Variants in NHS observed in about 807,000 individuals in gnomAD.
The protein encoded by NHS is NHS actin remodeling regulator, also known as actin remodeling regulator NHS.
Under a neutral mutation model 72.5 loss-of-function variants are expected in NHS, and 5 were observed. The ratio of observed to expected loss-of-function variants is 0.07; its 90% CI spans 0.04 to 0.14. The LOEUF (loss-of-function observed/expected upper bound fraction) is 0.14, where lower values mean the gene tolerates loss of function less well. Among genes scored for constraint, NHS ranks in the 10% least tolerant of loss-of-function variants. NHS has a pLI of 1.00. For synonymous variants in NHS, 464 were observed against 547.7 expected (o/e 0.85, Z 2.13); for missense variants, 1,072 against 1,355.7 (o/e 0.79, Z 3.29).
intron 3 of NHS, among the ~76,000 whole-genome samples, chrX:17,710,363 A>G (rs923934446): frequency 8.9e-6 from 1 of 112,719 alleles, no homozygotes; most frequent in African/African-American, 3.2e-5. Context: ...ACATCATTAC[A>G]GAATATTCTC....
intron 1 of NHS, among the ~76,000 whole-genome samples, chrX:17,443,044 C>T (rs1303491233): frequency 8.9e-6 from 1 of 112,038 alleles, no homozygotes; most frequent in Non-Finnish European, 1.9e-5. Flanking sequence ...CCCAAGGGAA[C>T]GCATAGGCCT....
chrX:17,602,415 T>C (rs1379561579), intron 1 of NHS, among the ~76,000 whole-genome samples: 4 of 111,670 alleles, frequency 3.6e-5, no homozygotes, highest in Non-Finnish European at 7.5e-5. Context: ...TGTTTCCTAC[T>C]GTGCCTCAGA....
chrX:17,563,292 C>T (rs1188725216), intron 1 of NHS, among the ~76,000 whole-genome samples: 2 of 112,669 alleles, frequency 1.8e-5, no homozygotes, highest in Non-Finnish European at 3.7e-5. Flanking sequence ...ACCTCAATGC[C>T]TGGCACATAG....
chrX:17,460,898 T>C (rs2064844525), intron 1 of NHS, among the ~76,000 whole-genome samples: 1 of 111,983 alleles, frequency 8.9e-6, no homozygotes, highest in Admixed American at 9.5e-5. Flanking sequence ...AGTTGAGGGG[T>C]AACGATTCAA....
chrX:17,605,194 T>C (rs1196114374), intron 1 of NHS, among the ~76,000 whole-genome samples: 3 of 112,311 alleles, frequency 2.7e-5, no homozygotes, highest in African/African-American at 9.7e-5. Flanking sequence ...GTCTTACTTT[T>C]AAATATGAAT....
intron 1 of NHS, among the ~76,000 whole-genome samples, chrX:17,657,443 G>A (rs2065962178): frequency 8.9e-6 from 1 of 112,730 alleles, no homozygotes; most frequent in South Asian, 3.6e-4. Flanking sequence ...TGCAGTTGGA[G>A]GTACAGCTTG....
chrX:17,615,972 C>T (rs1212953119), intron 1 of NHS, among the ~76,000 whole-genome samples: 3 of 111,634 alleles, frequency 2.7e-5, no homozygotes, highest in Admixed American at 1.9e-4. Context: ...TAGTTAATTA[C>T]GTGCTTGAAA....
At chrX:17,506,147 C>T (rs1200226888) in intron 1 of NHS, among the ~76,000 whole-genome samples, 1 of 111,536 alleles carries the variant, frequency 9.0e-6, no homozygotes, top group African/African-American at 3.3e-5. Context: ...AGAACTTTGT[C>T]ACCTCACATT....
chrX:17,557,326 G>GATATATATATATAT lies in NHS; in HGVS notation c.566-130407_566-130394dup, dbSNP rs61711287. 374 of 96,043 alleles carry GATATATATATATAT rather than the reference G, an allele frequency of 3.9e-3. 2 individuals carry two copies. The highest frequency in any genetic ancestry group is 0.014 in the African/African-American group (351 of 25,253). The allele number at this position is 96,043 out of a possible 1,213,427, so 7.9% of individuals were successfully genotyped here. A position where few individuals can be genotyped will look rare whatever the true frequency, so the allele number is the denominator to read the frequency against. ...GAATATTTAGTGACAGAGATTCTGT[G>GATATATATATATAT]ATATATATATATATATATATATCTT... is the stretch of plus-strand genomic sequence containing the variant. On this transcript the variant is annotated intron_variant, in intron 1 of 8. Transcript: ENST00000676302.
chrX:17,533,342 G>A (rs1365496055), intron 1 of NHS, among the ~76,000 whole-genome samples: 1 of 111,749 alleles, frequency 8.9e-6, no homozygotes, highest in Non-Finnish European at 1.9e-5. Flanking sequence ...GCTGGAGTGC[G>A]ATGACACGAT....
chrX:17,537,566 TCAAAA>T (rs980348008), intron 1 of NHS, among the ~76,000 whole-genome samples: 12 of 112,027 alleles, frequency 1.1e-4, no homozygotes, highest in African/African-American at 3.6e-4. Context: ...AAGTTGAACT[TCAAAA>T]AAGAAAAGTA....
intron 6 of NHS, 46 bp from the exon 7 acceptor site, chrX:17,725,301 T>A: frequency 8.8e-7 from 1 of 1,133,146 alleles, no homozygotes; most frequent in Non-Finnish European, 1.2e-6. Context: ...TGTCTGTTGG[T>A]CTGCTGATAT....
At chrX:17,495,457 C>T (rs893981846) in intron 1 of NHS, among the ~76,000 whole-genome samples, 4 of 111,712 alleles carry the variant, frequency 3.6e-5, no homozygotes, top group African/African-American at 6.5e-5. Context: ...AGGTTTGTTT[C>T]GCATTGTAGA....
intron 1 of NHS, among the ~76,000 whole-genome samples, chrX:17,680,849 G>T (rs763819384): frequency 8.9e-6 from 1 of 112,358 alleles, no homozygotes; most frequent in South Asian, 3.7e-4. Context: ...TAGCTGAGCT[G>T]TGACAGATGA....
intron 3 of NHS, among the ~76,000 whole-genome samples, chrX:17,718,940 G>C (rs747436370): frequency 1.1e-5 from 1 of 93,726 alleles, no homozygotes; most frequent in Non-Finnish European, 2.1e-5. Context: ...GAAAGAGGAA[G>C]GAAGGAAGAA....
At chrX:17,379,771 A>G (rs2064367097) in intron 1 of NHS, among the ~76,000 whole-genome samples, 1 of 112,291 alleles carries the variant, frequency 8.9e-6, no homozygotes, top group South Asian at 3.8e-4. Context: ...GTGAGACTTC[A>G]TCTCAAAATA....
At chrX:17,689,159 T>C (rs1192921179) in intron 2 of NHS, among the ~76,000 whole-genome samples, 3 of 112,528 alleles carry the variant, frequency 2.7e-5, no homozygotes, top group African/African-American at 9.7e-5. Flanking sequence ...CCCATCCTTA[T>C]CTTCAATAGT....
chrX:17,546,480 C>T (rs1376669663), intron 1 of NHS, among the ~76,000 whole-genome samples: 41 of 112,330 alleles, frequency 3.6e-4, no homozygotes, highest in Non-Finnish European at 7.5e-5. Flanking sequence ...CTACATGGTG[C>T]AACCACAGTG....
chrX:17,671,371 A>G (rs943092434), intron 1 of NHS, among the ~76,000 whole-genome samples: 4 of 112,395 alleles, frequency 3.6e-5, no homozygotes, highest in Non-Finnish European at 7.5e-5. Flanking sequence ...GGATGCCCCA[A>G]AGCAACTCCT....
Sources: gnomAD v4.1 joint callset for allele counts (sites outside exome capture counted in the v4.1 genomes callset) on GRCh38, gnomAD v4.1.1 for gene constraint, MANE v1.5 for transcripts, NCBI Gene and HGNC (gene_info 2026-07-23, HGNC 2026-07-21) for gene names.